PCNX1: variants seen among roughly 807,000 people sequenced by gnomAD.
PCNX1 encodes pecanex 1, also known as pecanex-like protein 1.
A neutral mutation model predicts 242.2 loss-of-function variants in PCNX1; 78 were observed. That is an observed-to-expected ratio of 0.32 (90% confidence interval 0.27 to 0.39). The LOEUF is 0.39. Among genes scored for constraint, PCNX1 ranks in the 10% least tolerant of loss-of-function variants. The pLI is 1.00. For missense variants in PCNX1, 2,581 were observed against 2,856.5 expected (o/e 0.90, Z 2.20); for synonymous variants, 1,024 against 1,032.9 (o/e 0.99, Z 0.17).
Position 70,978,132 on chromosome 14 carries a change from G to A in PCNX1, c.1795G>A (p.Asp599Asn). The A allele has an allele frequency of 6.2e-7, 1 of 1,614,154 alleles. No homozygotes were observed. The change falls in exon 6 of 36, where the codon GAC becomes AAC. Residue 599 changes from aspartate to asparagine, a missense_variant. Asp to Asn is a conservative substitution (Grantham distance 23). Transcript: ENST00000304743. Reference sequence around the variant, plus strand: ...GCCACACAGTGCTATATTTTGTCATGACGAAGACTCTAGTGATCAGAGTGA... The same window carrying A: ...GCCACACAGTGCTATATTTTGTCATAACGAAGACTCTAGTGATCAGAGTGA... The part of the protein sequence containing the change: ...TKPHSAIFCH[D>N]EDSSDQSDLS...
chr14:71,054,079 C>G (rs2061116009), intron 24 of PCNX1, among the ~76,000 whole-genome samples: 1 of 152,150 alleles, frequency 6.6e-6, no homozygotes. Flanking sequence ...CCACCTTGCC[C>G]AGGCAAAAAA....
chr14:71,108,560 T>G, intron 33 of PCNX1, 44 bp from the exon 34 acceptor site: 3 of 1,468,226 alleles, frequency 2.0e-6, no homozygotes, highest in Non-Finnish European at 2.8e-6. Flanking sequence ...GTATTGTGTC[T>G]GAGTCATTCT....
In PCNX1 at chr14:71,055,526, A is replaced by T; in HGVS notation, c.4600A>T (p.Asn1534Tyr). Residue 1534 changes from asparagine to tyrosine, a missense_variant, in exon 25 of 36, where the codon AAT becomes TAT. This residue lies in a region of PCNX1 where 99 missense variants were observed against 147.3 expected (regional missense o/e 0.67). Coordinates refer to ENST00000304743, the MANE Select transcript of PCNX1 (RefSeq NM_014982.3). ...DYNTKRVDHS[N>Y]TRLASQLDRN... ...TAGCACAAAACGAGTGGATCATTCAAATACCAGATTGGCTTCCCAGCTTGA... is the reference window on the plus strand; with the variant it reads ...TAGCACAAAACGAGTGGATCATTCATATACCAGATTGGCTTCCCAGCTTGA... 6.2e-7 allele frequency: 1 copy of T among 1,606,646 alleles called. No homozygotes were observed. Among genetic ancestry groups the T allele is most frequent in the Non-Finnish European group, 8.5e-7 (1 of 1,173,988 alleles).
At position 71,033,537 on chromosome 14, in the gene PCNX1, T is replaced by C. The variant is rs759288668; in HGVS notation, c.3667T>C (p.Phe1223Leu). The C allele has an allele frequency of 1.3e-6, 2 of 1,485,860 alleles. No homozygotes were observed. Among genetic ancestry groups the C allele is most frequent in the Non-Finnish European group, 1.9e-6 (2 of 1,068,186 alleles). 92.0% of individuals were successfully genotyped at this position (1,485,860 alleles called of 1,614,324 possible). The change falls in exon 17 of 36, where the codon TTC becomes CTC. Residue 1223 changes from phenylalanine (F) to leucine (L), a missense_variant and splice_region_variant. Coordinates refer to ENST00000304743, the MANE Select transcript of PCNX1 (RefSeq NM_014982.3). The stretch of plus-strand genomic sequence containing the variant: ...ACAAAGCAGTGATCCATCTGTACTT[T>C]TGTAAGTGAACTCAATTGTTATTGA... Reference protein sequence around the residue: ...SRQSSDPSVLFSLVQSKIFPK... With the variant: ...SRQSSDPSVLLSLVQSKIFPK...
chr14:70,972,643 C>T lies in PCNX1; in HGVS notation c.604+3533C>T, dbSNP rs544893530. The stretch of plus-strand genomic sequence containing the variant: ...TGGTTTGGATTTACAGGATCCAAAC[C>T]AAGGATCCAAGCCTTTAGTTGGTTA... On this transcript the variant is annotated intron_variant, in intron 5 of 35. Transcript: ENST00000304743. Among the ~76,000 whole-genome samples, 4 of 152,248 alleles carry T rather than the reference C, an allele frequency of 2.6e-5. No individual in the cohort carries two copies. In the South Asian group the frequency reaches 6.2e-4, roughly 24 times the overall value.
intron 1 of PCNX1, among the ~76,000 whole-genome samples, chr14:70,919,272 T>A (rs1208613560): frequency 6.6e-6 from 1 of 152,342 alleles, no homozygotes; most frequent in Middle Eastern, 3.4e-3. Context: ...AAGTATTTTT[T>A]AAATTTCAAC....
At chr14:70,953,635 G>GGTTTTTT (rs2057875228) in intron 2 of PCNX1, among the ~76,000 whole-genome samples, 1 of 141,830 alleles carries the variant, frequency 7.1e-6, no homozygotes, top group South Asian at 2.3e-4. Flanking sequence ...TTAGTAATCA[G>GGTTTTTT]GTTTTTTGTT....
At chr14:70,918,411 A>G (rs936955873) in intron 1 of PCNX1, among the ~76,000 whole-genome samples, 2 of 152,232 alleles carry the variant, frequency 1.3e-5, no homozygotes, top group African/African-American at 4.8e-5. Flanking sequence ...CCCATCAACA[A>G]ATCTTTGATT....
At chr14:70,959,042 A>G (rs1044902767) in intron 2 of PCNX1, among the ~76,000 whole-genome samples, 2 of 149,164 alleles carry the variant, frequency 1.3e-5, no homozygotes, top group Non-Finnish European at 3.0e-5. Flanking sequence ...AAGATTATAT[A>G]TAGACTATTG....
At chr14:70,980,023 A>G (rs984924975) in intron 6 of PCNX1, among the ~76,000 whole-genome samples, 1 of 150,902 alleles carries the variant, frequency 6.6e-6, no homozygotes, top group Non-Finnish European at 1.5e-5. Flanking sequence ...CACAAATCAT[A>G]TCAGATATGT....
intron 33 of PCNX1, among the ~76,000 whole-genome samples, chr14:71,105,788 G>A (rs547324336): frequency 1.6e-4 from 24 of 151,398 alleles, no homozygotes; most frequent in East Asian, 1.6e-3. Context: ...TGATCTGCCC[G>A]TCTCGGCCTC....
rs920452619 is a variant in PCNX1 at position 70,978,292 on chromosome 14, G to C, written c.1955G>C (p.Arg652Thr). The C allele has an allele frequency of 6.2e-7, 1 of 1,614,006 alleles. No individual in the cohort carries two copies. The highest frequency in any genetic ancestry group is 1.3e-5 in the African/African-American group (1 of 74,918). ...ALKTKHTHKE[R>T]GTDSEHTHKA... ...AAGACCAAACACACTCATAAAGAAA[G>C]GGGCACAGACTCTGAACACACACAC... Residue 652 changes from arginine (R) to threonine (T), a missense_variant, in exon 6 of 36, where the codon AGG becomes ACG. Coordinates refer to ENST00000304743, the MANE Select transcript of PCNX1 (RefSeq NM_014982.3).
intron 22 of PCNX1, chr14:71,048,947 T>C (rs1267610297): frequency 4.0e-6 from 2 of 498,736 alleles, no homozygotes; most frequent in Non-Finnish European, 5.2e-6. Flanking sequence ...TTATATCTGT[T>C]CAGTCACTAA....
At chr14:71,043,866 G>A (rs537484565) in intron 19 of PCNX1, among the ~76,000 whole-genome samples, 1 of 152,114 alleles carries the variant, frequency 6.6e-6, no homozygotes, top group South Asian at 2.1e-4. Context: ...AAATTATTAT[G>A]TTCCTTTGGA....
chr14:70,910,717 A>G (rs1482296020), intron 1 of PCNX1, among the ~76,000 whole-genome samples: 2 of 152,118 alleles, frequency 1.3e-5, no homozygotes, highest in Non-Finnish European at 2.9e-5. Context: ...TGTCTTTCTT[A>G]TCTTATTAGA....
At position 70,946,969 on chromosome 14, in the gene PCNX1, G is replaced by A. The variant is rs768639398; in HGVS notation, c.208G>A (p.Val70Ile). 6.2e-7 allele frequency: 1 copy of A among 1,613,960 alleles called. No individual in the cohort carries two copies. Among genetic ancestry groups the A allele is most frequent in the East Asian group, 2.2e-5 (1 of 44,870 alleles). ...AGTTTATTGTCCTGTGATAGCTGCTGTTTTCATTGTTCTGAAGATGGTCAA... is the reference window on the plus strand; with the variant it reads ...AGTTTATTGTCCTGTGATAGCTGCTATTTTCATTGTTCTGAAGATGGTCAA... ...VAVYCPVIAA[V>I]FIVLKMVNYR... Residue 70 changes from valine (V) to isoleucine (I), a missense_variant, in exon 2 of 36, where the codon GTT becomes ATT. Physicochemically the swap from Val to Ile is conservative, Grantham distance 29. This residue lies in a region of PCNX1 where 1,204 missense variants were observed against 1,216.7 expected (regional missense o/e 0.99). Transcript: ENST00000304743.
At chr14:70,925,381 G>A (rs2056549753) in intron 1 of PCNX1, among the ~76,000 whole-genome samples, 1 of 152,158 alleles carries the variant, frequency 6.6e-6, no homozygotes, top group Non-Finnish European at 1.5e-5. Flanking sequence ...GCCTTGTCTA[G>A]TTCCTTACTT....
Position 71,028,704 on chromosome 14 carries a change from T to C in PCNX1, c.3471T>C (p.Thr1157=). The C allele has an allele frequency of 6.3e-7, 1 of 1,599,270 alleles. No homozygotes were observed. Among genetic ancestry groups the C allele is most frequent in the Non-Finnish European group, 8.5e-7 (1 of 1,171,532 alleles). Residue 1157 remains threonine, a synonymous_variant, in exon 16 of 36, where the codon ACT becomes ACC. Coordinates refer to ENST00000304743, the MANE Select transcript of PCNX1 (RefSeq NM_014982.3). The part of the protein sequence containing the change: ...LDIHIFGGNA[T]TSLLAALYSF... ...CCTTTTCCTTTTCCTGTCTAGCCACTACAAGCCTGCTTGCAGCACTTTACA... is the reference window on the plus strand; with the variant it reads ...CCTTTTCCTTTTCCTGTCTAGCCACCACAAGCCTGCTTGCAGCACTTTACA...
rs373502278 is a variant in PCNX1 at position 70,923,666 on chromosome 14, AC to A, written c.153+15669del. ...TACTAGTGTATATACTGGCTTCCCC[AC>A]CCCCCACTTAATATATCTTAAACAT... On this transcript the variant is annotated intron_variant, in intron 1 of 35. Coordinates refer to ENST00000304743, the MANE Select transcript of PCNX1 (RefSeq NM_014982.3). 3.5e-3 allele frequency among the ~76,000 whole-genome samples: 536 copies of A among 151,996 alleles called. 1 individual carries two copies. The highest frequency in any genetic ancestry group is 0.013 in the African/African-American group (520 of 41,426).
Sources: allele counts gnomAD v4.1 joint callset (sites outside exome capture counted in the v4.1 genomes callset), GRCh38; gene constraint gnomAD v4.1.1; regional missense constraint gnomAD v4.1.1; transcripts MANE v1.5; gene names NCBI Gene and HGNC (gene_info 2026-07-23, HGNC 2026-07-21).